Variants in ABLIM1 observed in about 807,000 individuals in gnomAD.
The protein encoded by ABLIM1 is actin binding LIM protein 1, also known as actin-binding LIM protein 1.
In ABLIM1, 40 loss-of-function variants were observed where a neutral mutation model predicts 107.0. That is an observed-to-expected ratio of 0.37 (90% CI 0.29 to 0.49). ABLIM1 has a LOEUF of 0.49. Among genes scored for constraint, ABLIM1 ranks in the 20% least tolerant of loss-of-function variants. The probability of loss-of-function intolerance (pLI) is 0.97; values close to 1 mark genes in which losing one functional copy is unlikely to be tolerated. For synonymous variants in ABLIM1, 357 were observed against 357.3 expected (o/e 1.00, Z 0.01); for missense variants, 857 against 1,008.5 (o/e 0.85, Z 2.04).
intron 6 of ABLIM1, among the ~76,000 whole-genome samples, chr10:114,492,819 A>T (rs1332927337): frequency 6.6e-6 from 1 of 152,232 alleles, no homozygotes; most frequent in East Asian, 1.9e-4. Flanking sequence ...ACCTGCATGA[A>T]ACTGCAACAG....
intron 1 of ABLIM1, among the ~76,000 whole-genome samples, chr10:114,664,771 T>G (rs2079948422): frequency 6.6e-6 from 1 of 150,566 alleles, no homozygotes; most frequent in Non-Finnish European, 1.5e-5. Flanking sequence ...CTCGAACTCC[T>G]GGCCTCAGGT....
At chr10:114,783,658 G>A in the ABLIM1 span, among the ~76,000 whole-genome samples, 1 of 151,922 alleles carries the variant, frequency 6.6e-6, no homozygotes, top group Non-Finnish European at 1.5e-5. Context: ...AGCATCTTGT[G>A]AAGGGAAAAG....
At chr10:114,464,060 C>A (rs2064555100) in intron 12 of ABLIM1, among the ~76,000 whole-genome samples, 2 of 152,114 alleles carry the variant, frequency 1.3e-5, no homozygotes, top group Non-Finnish European at 2.9e-5. Flanking sequence ...CTGACCACTC[C>A]CCTCACTGTT....
intron 1 of ABLIM1, among the ~76,000 whole-genome samples, chr10:114,722,856 T>G (rs2081879059): frequency 6.6e-6 from 1 of 152,214 alleles, no homozygotes; most frequent in South Asian, 2.1e-4. Flanking sequence ...CCATTTATGC[T>G]TCCAGACCAG....
chr10:114,532,103 C>T (rs748334216), intron 6 of ABLIM1, among the ~76,000 whole-genome samples: 33 of 152,210 alleles, frequency 2.2e-4, no homozygotes, highest in Non-Finnish European at 3.4e-4. Context: ...GCATGAGCCA[C>T]GGCACCTGGC....
intron 1 of ABLIM1, among the ~76,000 whole-genome samples, chr10:114,750,622 C>T (rs1201861359): frequency 2.6e-5 from 4 of 152,192 alleles, no homozygotes; most frequent in Non-Finnish European, 2.9e-5. Flanking sequence ...TATAAAACAT[C>T]TTTCTCCCAG....
intron 6 of ABLIM1, among the ~76,000 whole-genome samples, chr10:114,498,055 C>T (rs2059925938): frequency 6.6e-6 from 1 of 152,056 alleles, no homozygotes; most frequent in African/African-American, 2.4e-5. Flanking sequence ...AAAAGAGTTC[C>T]GAATTCTTTG....
intron 6 of ABLIM1, among the ~76,000 whole-genome samples, chr10:114,543,907 C>T (rs761098890): frequency 1.3e-5 from 2 of 152,246 alleles, no homozygotes; most frequent in Non-Finnish European, 2.9e-5. Flanking sequence ...ACACCCTTCT[C>T]TCCCAAATGC....
intron 18 of ABLIM1, 69 bp downstream of exon 18, chr10:114,441,653 G>T: frequency 7.1e-7 from 1 of 1,413,658 alleles, no homozygotes; most frequent in Non-Finnish European, 1.0e-6. Context: ...TTCAGGCAAT[G>T]TGTCAATACT....
At chr10:114,636,729 C>T (rs557661052) in intron 1 of ABLIM1, among the ~76,000 whole-genome samples, 1 of 152,068 alleles carries the variant, frequency 6.6e-6, no homozygotes, top group African/African-American at 2.4e-5. Flanking sequence ...TCACACTAGG[C>T]TGATAAGAGT....
chr10:114,793,042 C>T, the ABLIM1 span, among the ~76,000 whole-genome samples: 1 of 152,274 alleles, frequency 6.6e-6, no homozygotes, highest in South Asian at 2.1e-4. Context: ...ATCCCAGCTA[C>T]TCAGGAGGCT....
chr10:114,444,703 A>G (rs562271473), intron 16 of ABLIM1, among the ~76,000 whole-genome samples: 150 of 152,272 alleles, frequency 9.9e-4, no homozygotes, highest in African/African-American at 3.5e-3. Flanking sequence ...TTTGACTAAT[A>G]TCACGTGCAT....
At chr10:114,784,349 A>AAAAGAAAG in the ABLIM1 span, among the ~76,000 whole-genome samples, 456 of 131,932 alleles carry the variant, frequency 3.5e-3, 3 homozygotes, top group South Asian at 6.2e-3. Context: ...CTGTCTCAAA[A>AAAAGAAAG]AAAGAAAGAA....
intron 1 of ABLIM1, among the ~76,000 whole-genome samples, chr10:114,648,191 G>C (rs2079086351): frequency 6.6e-6 from 1 of 152,140 alleles, no homozygotes; most frequent in African/African-American, 2.4e-5. Context: ...ATATACCCAA[G>C]GGGACTGAAA....
intron 8 of ABLIM1, among the ~76,000 whole-genome samples, chr10:114,482,581 C>G (rs906338069): frequency 1.3e-5 from 2 of 152,202 alleles, no homozygotes; most frequent in Admixed American, 6.5e-5. Flanking sequence ...AGCCATTCTT[C>G]AATCGCCAAC....
At chr10:114,494,102 T>G (rs1191889752) in intron 6 of ABLIM1, among the ~76,000 whole-genome samples, 1 of 152,142 alleles carries the variant, frequency 6.6e-6, no homozygotes, top group Non-Finnish European at 1.5e-5. Flanking sequence ...TGCATAGCCA[T>G]ACATACAAGA....
intron 1 of ABLIM1, among the ~76,000 whole-genome samples, chr10:114,734,416 C>T (rs1248761921): frequency 6.6e-6 from 1 of 152,198 alleles, no homozygotes; most frequent in East Asian, 1.9e-4. Context: ...TCCAACCTTA[C>T]TCCAATGACA....
intron 2 of ABLIM1, among the ~76,000 whole-genome samples, chr10:114,599,161 A>G (rs370826921): frequency 3.8e-4 from 58 of 152,302 alleles, no homozygotes; most frequent in African/African-American, 1.3e-3. Flanking sequence ...AGGATAGATG[A>G]CTCATTTATT....
At chr10:114,465,605 C>G in intron 12 of ABLIM1, 93 bp downstream of exon 12, 4 of 1,480,114 alleles carry the variant, frequency 2.7e-6, no homozygotes, top group Non-Finnish European at 3.7e-6. Context: ...AATGTTTAGT[C>G]GTTGATTTTT....
Sources: allele counts gnomAD v4.1 joint callset (sites outside exome capture counted in the v4.1 genomes callset), GRCh38; gene constraint gnomAD v4.1.1; transcripts MANE v1.5; gene names NCBI Gene and HGNC (gene_info 2026-07-23, HGNC 2026-07-21).